EVC2: variants seen among roughly 807,000 people sequenced by gnomAD.
EVC2 encodes EvC ciliary complex subunit 2, also known as limbin.
Under a neutral mutation model 149.3 loss-of-function variants are expected in EVC2, and 148 were observed. The ratio of observed to expected loss-of-function variants is 0.99; its 90% CI spans 0.87 to 1.14. EVC2 has a LOEUF of 1.14. Ranked by LOEUF, EVC2 falls within the 50% of genes most tolerant of loss-of-function variation. The probability of loss-of-function intolerance (pLI) is 0.00; values close to 1 mark genes in which losing one functional copy is unlikely to be tolerated. For synonymous variants in EVC2, 776 were observed against 649.9 expected (o/e 1.19, Z -2.95); for missense variants, 1,854 against 1,627.3 (o/e 1.14, Z -2.40).
At chr4:5,539,614 A>C (rs1721476336), downstream of EVC2, among the ~76,000 whole-genome samples, 1 of 152,222 alleles carries the variant, frequency 6.6e-6, no homozygotes, top group Non-Finnish European at 1.5e-5. Flanking sequence ...CAGAAGAGAG[A>C]TATATAAATA....
chr4:5,681,400 A>G lies in EVC2; in HGVS notation c.817-87T>C. On this transcript the variant is annotated intron_variant, in intron 6 of 21. Coordinates refer to ENST00000344408, the MANE Select transcript of EVC2 (RefSeq NM_147127.5). Reference sequence around the variant, plus strand: ...ATTTGGTGCGATTTCCAACCCTCCAAGCCTGGAGCTACAATCAGCCCTAAC... The same window carrying G: ...ATTTGGTGCGATTTCCAACCCTCCAGGCCTGGAGCTACAATCAGCCCTAAC... 8 of 1,367,212 alleles carry G rather than the reference A, an allele frequency of 5.9e-6. No individual in the cohort carries two copies. The South Asian group carries it at 8.3e-5, about 14-fold the overall frequency. 84.7% of individuals were successfully genotyped at this position (1,367,212 alleles called of 1,614,324 possible).
intron 10 of EVC2, among the ~76,000 whole-genome samples, chr4:5,638,903 T>G (rs1717099473): frequency 6.6e-6 from 1 of 152,142 alleles, no homozygotes. Context: ...ATTTTGGACG[T>G]CTGGCCTCCA....
intron 6 of EVC2, 26 bp downstream of exon 6, chr4:5,685,344 A>C: frequency 3.7e-5 from 59 of 1,596,830 alleles, no homozygotes; most frequent in Non-Finnish European, 4.6e-5. Flanking sequence ...GTGGCAAGAC[A>C]GAGATTAAAG....
chr4:5,660,761 G>C (rs1451668954), intron 9 of EVC2, among the ~76,000 whole-genome samples: 3 of 152,156 alleles, frequency 2.0e-5, no homozygotes, highest in African/African-American at 7.2e-5. Flanking sequence ...CCCCATTTGA[G>C]AGATGAGAAA....
At chr4:5,592,625 G>T (rs187199420) in intron 16 of EVC2, among the ~76,000 whole-genome samples, 2 of 152,184 alleles carry the variant, frequency 1.3e-5, no homozygotes, top group African/African-American at 4.8e-5. Context: ...GCAGCTTCCC[G>T]ATAAGAACTC....
At position 5,550,379 on chromosome 4, in the gene EVC2, C is replaced by T. The variant is rs117698003; in HGVS notation, c.3420-7167G>A. ...ATGAGGAACCTGTTGGGAACCAGAGCGAAGGTGACTCTTGTTATGTTTTAG... is the reference window on the plus strand; with the variant it reads ...ATGAGGAACCTGTTGGGAACCAGAGTGAAGGTGACTCTTGTTATGTTTTAG... On this transcript the variant is annotated intron_variant and NMD_transcript_variant, in intron 21 of 22. Coordinates refer to the EVC2 transcript ENST00000475313. Among the ~76,000 whole-genome samples, 61 of 152,234 alleles carry T rather than the reference C, an allele frequency of 4.0e-4. No individual in the cohort carries two copies. The East Asian group carries it at 9.9e-3, about 25-fold the overall frequency.
intron 21 of EVC2, among the ~76,000 whole-genome samples, chr4:5,547,322 G>A (rs1264518305): frequency 3.3e-5 from 5 of 152,244 alleles, no homozygotes; most frequent in Non-Finnish European, 5.9e-5. Flanking sequence ...TGGCCTGCAG[G>A]TGCCTCTTGG....
At chr4:5,623,737 C>T (rs1715906786) in intron 13 of EVC2, among the ~76,000 whole-genome samples, 1 of 152,186 alleles carries the variant, frequency 6.6e-6, no homozygotes, top group African/African-American at 2.4e-5. Context: ...AGGAGACAGA[C>T]CGCCTGGGTT....
intron 9 of EVC2, among the ~76,000 whole-genome samples, chr4:5,644,839 G>T (rs1717594639): frequency 1.3e-5 from 2 of 152,226 alleles, no homozygotes; most frequent in African/African-American, 4.8e-5. Context: ...GTCCATCCAT[G>T]TTGCTTCAAA....
intron 21 of EVC2, among the ~76,000 whole-genome samples, chr4:5,545,928 G>T (rs141046200): frequency 2.7e-3 from 406 of 152,292 alleles, no homozygotes; most frequent in African/African-American, 8.7e-3. Flanking sequence ...AAAGGGAAAA[G>T]AAGACATTTA....
At chr4:5,623,019 G>T (rs747654852) in intron 13 of EVC2, 28 bp from the exon 14 acceptor site, 1 of 1,610,412 alleles carries the variant, frequency 6.2e-7, no homozygotes, top group Non-Finnish European at 8.5e-7. Flanking sequence ...AAAATTAAGT[G>T]GGGGTGGGGC....
Position 5,622,839 on chromosome 4 carries a change from C to T in EVC2, c.2199G>A (p.Leu733=), listed in dbSNP as rs756948088. The change falls in exon 14 of 22, where the codon CTG becomes CTA. Residue 733 remains leucine, a synonymous_variant. Transcript: ENST00000344408. The surrounding 1 kb of genome is among the most constrained non-coding windows in gnomAD (Gnocchi z 5.8). ...ELQERLDQAA[L]DDLRTLTLSL... is the part of the protein sequence containing the mutation. ...AAAGGGTCAGGGTCCTGAGATCGTC[C>T]AGGGCGGCCTGGTCCAGACGCTCCT... is the stretch of plus-strand genomic sequence containing the variant. 2.5e-6 allele frequency: 4 copies of T among 1,613,990 alleles called. No individual in the cohort carries two copies. The highest frequency in any genetic ancestry group is 1.3e-5 in the African/African-American group (1 of 74,888).
chr4:5,666,073 T>C (rs1419437763), intron 7 of EVC2, among the ~76,000 whole-genome samples: 1 of 152,180 alleles, frequency 6.6e-6, no homozygotes, highest in Non-Finnish European at 1.5e-5. Flanking sequence ...CGCTACCCTC[T>C]ATTAACTTTA....
intron 16 of EVC2, among the ~76,000 whole-genome samples, chr4:5,595,901 A>C (rs1713363234): frequency 6.6e-6 from 1 of 152,216 alleles, no homozygotes; most frequent in Non-Finnish European, 1.5e-5. Context: ...AAAACAAAAA[A>C]AGGCAGGGGT....
intron 3 of EVC2, among the ~76,000 whole-genome samples, chr4:5,693,459 G>C (rs572793115): frequency 6.6e-6 from 1 of 152,340 alleles, no homozygotes; most frequent in Admixed American, 6.5e-5. Flanking sequence ...GCAGATGGAG[G>C]GAGAGAGTCA....
At chr4:5,620,132 T>C (rs1715580242) in intron 14 of EVC2, among the ~76,000 whole-genome samples, 1 of 152,316 alleles carries the variant, frequency 6.6e-6, no homozygotes, top group East Asian at 1.9e-4. Context: ...ACACCCGTCT[T>C]GGGTTCCTCA....
Position 5,576,363 on chromosome 4 carries a change from C to A in EVC2, c.3149G>T (p.Trp1050Leu). ...CAGAATCCCGGGCCCATCGGCCACC[C>A]ACTGCTGCCAGCTCGCCAGGGCCTG... is the stretch of plus-strand genomic sequence containing the variant. ...QQQALASWQQ[W>L]VADGPGILNE... Residue 1050 changes from tryptophan (W) to leucine (L), a missense_variant, in exon 18 of 22, where the codon TGG (tryptophan) becomes TTG (leucine). Transcript: ENST00000344408. This position sits in a 1 kb window ranked among gnomAD's most constrained non-coding sequence, Gnocchi z 4.5. 6.2e-7 allele frequency: 1 copy of A among 1,614,200 alleles called. No individual in the cohort carries two copies. Among genetic ancestry groups the A allele is most frequent in the Non-Finnish European group, 8.5e-7 (1 of 1,180,040 alleles).
At chr4:5,610,848 T>C (rs1266647846) in intron 16 of EVC2, among the ~76,000 whole-genome samples, 3 of 151,004 alleles carry the variant, frequency 2.0e-5, no homozygotes, top group Non-Finnish European at 4.4e-5. Flanking sequence ...TAAGTATCTA[T>C]GAATGTGTGG....
Position 5,618,708 on chromosome 4 carries a change from CTT to C in EVC2, c.2502-28_2502-27del. ...CTGGGAGGAAGAACAGAGACACACT[CTT>C]AACACAGAGAAAGCCTGGGGGCTGG... On this transcript the variant is annotated intron_variant, in intron 14 of 21. Transcript: ENST00000344408. The surrounding 1 kb of genome is among the most constrained non-coding windows in gnomAD (Gnocchi z 4.4). 1 of 1,564,620 alleles carries C rather than the reference CTT, an allele frequency of 6.4e-7. No homozygotes were observed. The highest frequency in any genetic ancestry group is 8.7e-7 in the Non-Finnish European group (1 of 1,153,666).
Sources: allele counts gnomAD v4.1 joint callset (sites outside exome capture counted in the v4.1 genomes callset), GRCh38; gene constraint gnomAD v4.1.1; non-coding constraint Gnocchi (gnomAD v3.1); transcripts MANE v1.5; gene names NCBI Gene and HGNC (gene_info 2026-07-23, HGNC 2026-07-21).